The following TATDN2 variants were observed in gnomAD, a reference collection of about 807,000 sequenced individuals.
TATDN2 encodes the protein 3'-5' RNA nuclease TATDN2.
TATDN2 carries 44 observed loss-of-function variants against 60.3 expected under a neutral mutation model. That is an observed-to-expected ratio of 0.73 (90% CI 0.57 to 0.94). The LOEUF is 0.94. TATDN2 is among the 40% of genes least tolerant of loss of function. The pLI is 0.00. For missense variants in TATDN2, 997 were observed against 948.0 expected (o/e 1.05, Z -0.68); for synonymous variants, 399 against 355.8 (o/e 1.12, Z -1.37).
chr3:10,252,593 C>A (rs1021453958), intron 2 of TATDN2, among the ~76,000 whole-genome samples: 12 of 152,158 alleles, frequency 7.9e-5, no homozygotes, highest in African/African-American at 2.9e-4. Context: ...GGTCCTAAGT[C>A]CTTCAGCAAG....
At chr3:10,265,221 C>T (rs1031001445) in intron 3 of TATDN2, among the ~76,000 whole-genome samples, 8 of 150,320 alleles carry the variant, frequency 5.3e-5, no homozygotes, top group African/African-American at 1.5e-4. Context: ...GGATTACAGG[C>T]ATGGACCACC....
chr3:10,275,871 C>G (rs1220610371), intron 4 of TATDN2, among the ~76,000 whole-genome samples: 1 of 152,220 alleles, frequency 6.6e-6, no homozygotes, highest in Non-Finnish European at 1.5e-5. Context: ...GAGATGCACA[C>G]AAACACCACG....
chr3:10,260,770 T>G (rs1698390474), intron 3 of TATDN2, 100 bp downstream of exon 3: 1 of 1,386,894 alleles, frequency 7.2e-7, no homozygotes, highest in Non-Finnish European at 9.7e-7. Flanking sequence ...TTAAAAATAG[T>G]ACTTTACTTA....
At chr3:10,274,116 T>G (rs894452281) in intron 4 of TATDN2, among the ~76,000 whole-genome samples, 3 of 152,232 alleles carry the variant, frequency 2.0e-5, no homozygotes, top group Non-Finnish European at 2.9e-5. Context: ...ATAACTCATC[T>G]GTACTTCCTT....
chr3:10,263,314 A>G (rs974929687), intron 3 of TATDN2, among the ~76,000 whole-genome samples: 4 of 152,026 alleles, frequency 2.6e-5, no homozygotes, highest in Non-Finnish European at 4.4e-5. Flanking sequence ...TTCCCTTTCA[A>G]TCTAGAAACC....
At position 10,248,997 on chromosome 3, in the gene TATDN2, A is replaced by T; in HGVS notation, c.-77A>T. On this transcript the variant is annotated 5_prime_UTR_variant, in exon 1 of 8. Coordinates refer to ENST00000448281, the MANE Select transcript of TATDN2 (RefSeq NM_014760.4). ...CTTTAGTCAATTTTGGATCGCTTTG[A>T]CTTCTCCAACACGGTTTGGCATCTC... The T allele has an allele frequency of 1.9e-6, 1 of 524,638 alleles. No homozygotes were observed. Among genetic ancestry groups the T allele is most frequent in the Non-Finnish European group, 3.0e-6 (1 of 337,286 alleles). 32.5% of individuals were successfully genotyped at this position (524,638 alleles called of 1,614,324 possible). A position where few individuals can be genotyped will look rare whatever the true frequency, so the allele number is the denominator to read the frequency against.
At chr3:10,274,806 A>G (rs755716060) in intron 4 of TATDN2, among the ~76,000 whole-genome samples, 2 of 152,156 alleles carry the variant, frequency 1.3e-5, no homozygotes, top group Non-Finnish European at 1.5e-5. Context: ...TAGTGTTGCT[A>G]TTTTGAGAAG....
chr3:10,251,703 A>T (rs1003677746), intron 2 of TATDN2, among the ~76,000 whole-genome samples: 4 of 151,932 alleles, frequency 2.6e-5, no homozygotes, highest in South Asian at 2.1e-4. Context: ...TTCTTATTTT[A>T]AAAAAATTAT....
chr3:10,254,371 C>T (rs1559459249), intron 2 of TATDN2, among the ~76,000 whole-genome samples: 1 of 152,172 alleles, frequency 6.6e-6, no homozygotes, highest in Non-Finnish European at 1.5e-5. Flanking sequence ...GCATAGGGAG[C>T]AATACATGCC....
In TATDN2 at chr3:10,249,007, C is replaced by A; in HGVS notation, c.-67C>A. 1.7e-6 allele frequency: 1 copy of A among 577,660 alleles called. No individual in the cohort carries two copies. The highest frequency in any genetic ancestry group is 6.4e-5 in the South Asian group (1 of 15,596). 35.8% of individuals were successfully genotyped at this position (577,660 alleles called of 1,614,324 possible). ...TTTTGGATCGCTTTGACTTCTCCAA[C>A]ACGGTTTGGCATCTCTGAAACCTTG... On this transcript the variant is annotated 5_prime_UTR_variant, in exon 1 of 8. Transcript: ENST00000448281.
At chr3:10,254,969 C>G (rs1442262876) in intron 2 of TATDN2, among the ~76,000 whole-genome samples, 1 of 151,530 alleles carries the variant, frequency 6.6e-6, no homozygotes, top group Non-Finnish European at 1.5e-5. Flanking sequence ...TTCTCACTTT[C>G]TCTCTTTTTT....
Position 10,278,215 on chromosome 3 carries a change from G to A in TATDN2, c.1962-64G>A, listed in dbSNP as rs1698665951. The stretch of plus-strand genomic sequence containing the variant: ...TCATTGAAAAGGGGTGATGGGTGTG[G>A]GGGGAGCTGGGGGCTGCTGCAGAGG... On this transcript the variant is annotated intron_variant, in intron 5 of 7. Coordinates refer to ENST00000448281, the MANE Select transcript of TATDN2 (RefSeq NM_014760.4). This position sits in a 1 kb window ranked among gnomAD's most constrained non-coding sequence, Gnocchi z 4.7. 2.6e-6 allele frequency: 4 copies of A among 1,546,272 alleles called. No homozygotes were observed. The East Asian group carries it at 9.1e-5, about 35-fold the overall frequency.
intron 4 of TATDN2, among the ~76,000 whole-genome samples, chr3:10,273,797 T>G (rs941358411): frequency 3.9e-5 from 6 of 152,196 alleles, no homozygotes; most frequent in Non-Finnish European, 5.9e-5. Context: ...TGTTAACGTT[T>G]TCTTTGTTGA....
chr3:10,270,852 T>G lies in TATDN2; in HGVS notation c.1670T>G (p.Val557Gly). The G allele has an allele frequency of 6.2e-7, 1 of 1,614,176 alleles. No individual in the cohort carries two copies. The highest frequency in any genetic ancestry group is 8.5e-7 in the Non-Finnish European group (1 of 1,180,022). The part of the protein sequence containing the change: ...LWEELLKEDL[V>G]WGAFGCHPHF... ...GAGGAGCTGTTGAAAGAGGATCTGGTCTGGGGGGCCTTTGGCTGTCACCCT... is the reference window on the plus strand; with the variant it reads ...GAGGAGCTGTTGAAAGAGGATCTGGGCTGGGGGGCCTTTGGCTGTCACCCT... Residue 557 changes from valine to glycine, a missense_variant, in exon 4 of 8, where the codon GTC becomes GGC. Coordinates refer to ENST00000448281, the MANE Select transcript of TATDN2 (RefSeq NM_014760.4).
intron 3 of TATDN2, 57 bp downstream of exon 3, chr3:10,260,727 C>T: frequency 6.5e-7 from 1 of 1,547,878 alleles, no homozygotes; most frequent in Non-Finnish European, 8.7e-7. Context: ...GAAATGTGTT[C>T]CATCTTTCTA....
intron 3 of TATDN2, among the ~76,000 whole-genome samples, chr3:10,262,661 G>A (rs566758881): frequency 6.8e-6 from 1 of 147,864 alleles, no homozygotes; most frequent in Admixed American, 6.9e-5. Flanking sequence ...TCAGCCTCCC[G>A]AGTAGCTGGG....
intron 3 of TATDN2, among the ~76,000 whole-genome samples, chr3:10,261,759 C>G (rs1698407227): frequency 6.6e-6 from 1 of 152,186 alleles, no homozygotes; most frequent in Non-Finnish European, 1.5e-5. Context: ...TAGTACTTAC[C>G]CCATGTTTCT....
At chr3:10,251,840 C>A (rs1008252075) in intron 2 of TATDN2, among the ~76,000 whole-genome samples, 10 of 145,770 alleles carry the variant, frequency 6.9e-5, no homozygotes, top group African/African-American at 1.8e-4. Context: ...TGCCACCACA[C>A]CCTGCAGATT....
intron 3 of TATDN2, among the ~76,000 whole-genome samples, chr3:10,267,294 C>T (rs1161176156): frequency 6.7e-6 from 1 of 148,404 alleles, no homozygotes; most frequent in Non-Finnish European, 1.5e-5. Context: ...AATCTGAAAA[C>T]ATTTTCTTGG....
Sources: allele counts gnomAD v4.1 joint callset (sites outside exome capture counted in the v4.1 genomes callset), GRCh38; gene constraint gnomAD v4.1.1; non-coding constraint Gnocchi (gnomAD v3.1); transcripts MANE v1.5; gene names NCBI Gene and HGNC (gene_info 2026-07-23, HGNC 2026-07-21).